Variants in LSAMP observed in about 807,000 individuals in gnomAD.
The protein encoded by LSAMP is limbic system associated membrane protein.
Under a neutral mutation model 38.6 loss-of-function variants are expected in LSAMP, and 7 were observed. The observed-to-expected ratio is 0.18, with a 90% CI of 0.10 to 0.34. The LOEUF (loss-of-function observed/expected upper bound fraction) is 0.34, where lower values mean the gene tolerates loss of function less well. Among genes scored for constraint, LSAMP ranks in the 10% least tolerant of loss-of-function variants. The probability of loss-of-function intolerance (pLI) is 1.00; values close to 1 mark genes in which losing one functional copy is unlikely to be tolerated. For synonymous variants in LSAMP, 154 were observed against 166.8 expected (o/e 0.92, Z 0.59); for missense variants, 313 against 420.0 (o/e 0.75, Z 2.23).
intron 3 of LSAMP, among the ~76,000 whole-genome samples, chr3:115,913,034 C>A (rs951656814): frequency 6.6e-6 from 1 of 152,138 alleles, no homozygotes; most frequent in Admixed American, 6.5e-5. Context: ...ATTCCATCTC[C>A]TCAAAAGTGG....
intron 1 of LSAMP, among the ~76,000 whole-genome samples, chr3:116,195,721 A>AG (rs1553712403): frequency 6.6e-6 from 1 of 150,620 alleles, no homozygotes; most frequent in South Asian, 2.1e-4. Context: ...AAAAAATGAA[A>AG]AAAAAAAAAC....
chr3:115,840,319 TTAAA>T (rs1934956275), intron 6 of LSAMP, among the ~76,000 whole-genome samples: 1 of 152,210 alleles, frequency 6.6e-6, no homozygotes, highest in Non-Finnish European at 1.5e-5. Context: ...TTGGTAAATC[TTAAA>T]TTCCCAGTTG....
intron 1 of LSAMP, among the ~76,000 whole-genome samples, chr3:116,390,370 C>T (rs1403398270): frequency 6.6e-6 from 1 of 152,034 alleles, no homozygotes; most frequent in Non-Finnish European, 1.5e-5. Context: ...GAAGACTTCA[C>T]ATAGAAGGTA....
rs1935031738 is a variant in LSAMP at position 115,842,555 on chromosome 3, T to C, written c.673A>G (p.Lys225Glu). Reference protein sequence around the residue: ...VNYPPTITESKSNEATTGRQA... With the variant: ...VNYPPTITESESNEATTGRQA... Reference sequence around the variant, plus strand: ...CGTCCTGTGGTGGCTTCATTGCTCTTGGATTCTGTGATAGTGGGAGGATCT... The same window carrying C: ...CGTCCTGTGGTGGCTTCATTGCTCTCGGATTCTGTGATAGTGGGAGGATCT... The change falls in exon 5 of 7, where the codon AAG (lysine) becomes GAG (glutamate). Residue 225 changes from lysine to glutamate, a missense_variant. Physicochemically the swap from Lys to Glu is moderately conservative, Grantham distance 56. Transcript: ENST00000490035. 3.1e-6 allele frequency: 5 copies of C among 1,613,546 alleles called. No individual in the cohort carries two copies. The East Asian group carries it at 6.7e-5, about 22-fold the overall frequency.
intron 3 of LSAMP, among the ~76,000 whole-genome samples, chr3:116,004,235 A>G (rs528185386): frequency 6.6e-6 from 1 of 152,226 alleles, no homozygotes; most frequent in South Asian, 2.1e-4. Context: ...AACAGAATGA[A>G]AACTCATGGT....
At chr3:115,983,348 A>C (rs1397986912) in intron 3 of LSAMP, among the ~76,000 whole-genome samples, 1 of 151,996 alleles carries the variant, frequency 6.6e-6, no homozygotes, top group Non-Finnish European at 1.5e-5. Context: ...TTCATCTCTA[A>C]AAGAAAAAAA....
intron 3 of LSAMP, among the ~76,000 whole-genome samples, chr3:115,861,152 T>G (rs1040546551): frequency 1.2e-3 from 76 of 63,682 alleles, no homozygotes; most frequent in Non-Finnish European, 1.7e-3. Context: ...CTTCCTTCCT[T>G]CCTTCCTTCC....
intron 2 of LSAMP, among the ~76,000 whole-genome samples, chr3:116,037,748 A>G (rs1425241005): frequency 6.6e-6 from 1 of 152,088 alleles, no homozygotes; most frequent in Non-Finnish European, 1.5e-5. Flanking sequence ...CTATGTGGTT[A>G]TACTTGGCCT....
At chr3:116,261,808 A>T (rs974364374) in intron 1 of LSAMP, among the ~76,000 whole-genome samples, 3 of 150,978 alleles carry the variant, frequency 2.0e-5, no homozygotes, top group African/African-American at 7.3e-5. Context: ...ACAGGTGTGT[A>T]TGTGTGTGTA....
At chr3:115,900,399 C>T (rs1003530279) in intron 3 of LSAMP, among the ~76,000 whole-genome samples, 19 of 151,462 alleles carry the variant, frequency 1.3e-4, no homozygotes, top group Non-Finnish European at 2.9e-5. Flanking sequence ...CCTGCAATCC[C>T]TAGCTACTTG....
intron 1 of LSAMP, among the ~76,000 whole-genome samples, chr3:116,328,575 A>T (rs2107738052): frequency 6.6e-6 from 1 of 152,286 alleles, no homozygotes; most frequent in South Asian, 2.1e-4. Context: ...ATTTGTTAAC[A>T]TTTAATATGC....
intron 1 of LSAMP, among the ~76,000 whole-genome samples, chr3:116,426,332 C>T (rs918202377): frequency 9.9e-5 from 15 of 151,724 alleles, no homozygotes; most frequent in African/African-American, 3.4e-4. Context: ...ACTAAAAATA[C>T]AAAAACTAAT....
intron 1 of LSAMP, among the ~76,000 whole-genome samples, chr3:116,344,113 T>C (rs2048032777): frequency 6.6e-6 from 1 of 152,078 alleles, no homozygotes; most frequent in East Asian, 1.9e-4. Context: ...CTGGCTCCTA[T>C]GGAAGCACGT....
intron 6 of LSAMP, among the ~76,000 whole-genome samples, chr3:115,830,324 T>C (rs1934568666): frequency 6.6e-6 from 1 of 152,216 alleles, no homozygotes; most frequent in Admixed American, 6.5e-5. Flanking sequence ...CTGAGTGTTA[T>C]AAGCATTGCA....
At chr3:116,089,312 C>T (rs1708064511) in intron 1 of LSAMP, among the ~76,000 whole-genome samples, 2 of 152,142 alleles carry the variant, frequency 1.3e-5, no homozygotes, top group Non-Finnish European at 2.9e-5. Flanking sequence ...TCGTCTTTTA[C>T]TGACAAACAA....
At chr3:116,198,202 G>A (rs72945931) in intron 1 of LSAMP, among the ~76,000 whole-genome samples, 2 of 152,234 alleles carry the variant, frequency 1.3e-5, no homozygotes, top group Non-Finnish European at 2.9e-5. Context: ...ACTGTTCATA[G>A]TGAGAAATGG....
intron 1 of LSAMP, among the ~76,000 whole-genome samples, chr3:116,239,758 A>G (rs2046508156): frequency 6.6e-6 from 1 of 152,170 alleles, no homozygotes; most frequent in Admixed American, 6.6e-5. Context: ...CATGAGTGAA[A>G]TAAGAATTAG....
chr3:115,836,206 G>T (rs755706501), intron 6 of LSAMP, among the ~76,000 whole-genome samples: 11 of 151,980 alleles, frequency 7.2e-5, no homozygotes, highest in Non-Finnish European at 1.2e-4. Flanking sequence ...TACCGTCTTA[G>T]CTCCACCCTG....
chr3:115,896,211 G>A (rs1936725287), intron 3 of LSAMP, among the ~76,000 whole-genome samples: 1 of 152,094 alleles, frequency 6.6e-6, no homozygotes, highest in South Asian at 2.1e-4. Context: ...AAGACAGCAA[G>A]GAAATAAATC....
Sources: allele counts gnomAD v4.1 joint callset (sites outside exome capture counted in the v4.1 genomes callset), GRCh38; gene constraint gnomAD v4.1.1; transcripts MANE v1.5; gene names NCBI Gene and HGNC (gene_info 2026-07-23, HGNC 2026-07-21).